TNNI3K: variants seen among roughly 807,000 people sequenced by gnomAD.
TNNI3K encodes the protein TNNI3 interacting kinase, also known as serine/threonine-protein kinase TNNI3K.
In TNNI3K, 140 loss-of-function variants were observed where a neutral mutation model predicts 114.5. The observed-to-expected ratio is 1.22, with a 90% confidence interval of 1.07 to 1.41. The LOEUF (loss-of-function observed/expected upper bound fraction) is 1.41, where lower values mean the gene tolerates loss of function less well. Ranked by LOEUF, TNNI3K falls within the 40% of genes most tolerant of loss-of-function variation. The probability of loss-of-function intolerance (pLI) is 0.00; values close to 1 mark genes in which losing one functional copy is unlikely to be tolerated. For synonymous variants in TNNI3K, 347 were observed against 347.5 expected (o/e 1.00, Z 0.02); for missense variants, 1,125 against 1,007.6 (o/e 1.12, Z -1.58).
chr1:74,399,301 G>C (rs572640321), intron 17 of TNNI3K, among the ~76,000 whole-genome samples: 1 of 151,926 alleles, frequency 6.6e-6, no homozygotes. Context: ...GTGAACTCCC[G>C]TATTTAGGTA....
In TNNI3K at chr1:74,508,924, C is replaced by T. The variant is rs149940852; in HGVS notation, c.2351+16658C>T. 1.2e-3 allele frequency among the ~76,000 whole-genome samples: 181 copies of T among 152,238 alleles called. 1 individual carries two copies. Among genetic ancestry groups the T allele is most frequent in the African/African-American group, 4.2e-3 (174 of 41,558 alleles). ...GGGTCTGCAGAAAATTCATATAAAA[C>T]ACTTAATATCATCCCTGAGAAACTT... On this transcript the variant is annotated intron_variant, in intron 23 of 24. Coordinates refer to ENST00000326637, the MANE Select transcript of TNNI3K (RefSeq NM_015978.3).
At chr1:74,240,740 A>G (rs1466401523) in intron 2 of TNNI3K, 2 of 151,950 alleles carry the variant, frequency 1.3e-5, no homozygotes, top group Non-Finnish European at 2.9e-5. Flanking sequence ...ATTTAAAACC[A>G]TGAGAATACT....
intron 23 of TNNI3K, among the ~76,000 whole-genome samples, chr1:74,493,396 A>G (rs1185487305): frequency 1.3e-5 from 2 of 152,202 alleles, no homozygotes; most frequent in African/African-American, 4.8e-5. Context: ...GCAAAAACAA[A>G]AAGATTAAGC....
chr1:74,338,429 T>C (rs1467115204), intron 7 of TNNI3K, among the ~76,000 whole-genome samples: 1 of 152,128 alleles, frequency 6.6e-6, no homozygotes, highest in Non-Finnish European at 1.5e-5. Context: ...CCTCACAAAC[T>C]TTATTTTTTG....
chr1:74,475,023 A>G (rs1478304529), intron 21 of TNNI3K, among the ~76,000 whole-genome samples: 2 of 151,166 alleles, frequency 1.3e-5, no homozygotes, highest in Non-Finnish European at 2.9e-5. Flanking sequence ...TTTTTTTAAC[A>G]TTGTTAGGTG....
intron 17 of TNNI3K, among the ~76,000 whole-genome samples, chr1:74,378,126 C>T (rs1428990000): frequency 1.3e-5 from 2 of 151,726 alleles, no homozygotes; most frequent in Admixed American, 6.6e-5. Flanking sequence ...ACAATGGATG[C>T]CTTAGGGATT....
Position 74,446,849 on chromosome 1 carries a change from G to T in TNNI3K, c.2011+7227G>T, listed in dbSNP as rs568327042. Among the ~76,000 whole-genome samples, 27 of 149,020 alleles carry T rather than the reference G, an allele frequency of 1.8e-4. No individual in the cohort carries two copies. The South Asian group carries it at 5.4e-3, about 30-fold the overall frequency. On this transcript the variant is annotated intron_variant, in intron 20 of 24. Coordinates refer to ENST00000326637, the MANE Select transcript of TNNI3K (RefSeq NM_015978.3). The stretch of plus-strand genomic sequence containing the variant: ...CAGATTTGTCAAAGATCAGATAGTT[G>T]TAGGTATGCGGCGTTAATTCTGAGG...
At chr1:74,328,912 T>C (rs537181464) in intron 5 of TNNI3K, among the ~76,000 whole-genome samples, 1 of 152,074 alleles carries the variant, frequency 6.6e-6, no homozygotes, top group Non-Finnish European at 1.5e-5. Context: ...GTAAAAAGCT[T>C]AATCTACCTT....
At chr1:74,289,431 G>A (rs1657533785) in intron 5 of TNNI3K, among the ~76,000 whole-genome samples, 1 of 151,764 alleles carries the variant, frequency 6.6e-6, no homozygotes, top group African/African-American at 2.4e-5. Context: ...GAGAGTAATG[G>A]GGTTTAAATT....
At chr1:74,410,927 G>C (rs1462660959) in intron 17 of TNNI3K, among the ~76,000 whole-genome samples, 1 of 152,168 alleles carries the variant, frequency 6.6e-6, no homozygotes, top group Non-Finnish European at 1.5e-5. Flanking sequence ...GTGATTAAGA[G>C]ATTGTTGAAA....
At chr1:74,314,045 T>TTGTTTATATA (rs1553130325) in intron 5 of TNNI3K, among the ~76,000 whole-genome samples, 1 of 6,350 alleles carries the variant, frequency 1.6e-4, no homozygotes, top group African/African-American at 2.1e-4. Context: ...AGAAAGTTCA[T>TTGTTTATATA]TATATATATA....
intron 11 of TNNI3K, among the ~76,000 whole-genome samples, chr1:74,363,120 T>C (rs1301998207): frequency 6.6e-6 from 1 of 152,118 alleles, no homozygotes. Flanking sequence ...TCTGGGTGTA[T>C]CCATTATCAG....
intron 7 of TNNI3K, among the ~76,000 whole-genome samples, chr1:74,340,614 G>T (rs1660703475): frequency 6.6e-6 from 1 of 152,140 alleles, no homozygotes; most frequent in Non-Finnish European, 1.5e-5. Context: ...AACCTAATTT[G>T]AAGTTTACTA....
intron 17 of TNNI3K, among the ~76,000 whole-genome samples, chr1:74,422,773 C>G (rs1320743491): frequency 6.6e-6 from 1 of 151,978 alleles, no homozygotes; most frequent in African/African-American, 2.4e-5. Flanking sequence ...AAAAAAAACC[C>G]ACTAAATTCT....
intron 17 of TNNI3K, chr1:74,416,382 G>C: frequency 2.0e-6 from 2 of 978,914 alleles, no homozygotes; most frequent in Non-Finnish European, 2.4e-6. Flanking sequence ...AGAAGGAGCT[G>C]TGGAACTAGC....
chr1:74,253,567 C>T (rs926225874), intron 4 of TNNI3K, among the ~76,000 whole-genome samples: 1 of 152,186 alleles, frequency 6.6e-6, no homozygotes, highest in African/African-American at 2.4e-5. Context: ...GGAGCACCCT[C>T]CGCAGCTGCT....
At chr1:74,258,963 G>A (rs1655501224) in intron 4 of TNNI3K, among the ~76,000 whole-genome samples, 1 of 152,142 alleles carries the variant, frequency 6.6e-6, no homozygotes, top group Non-Finnish European at 1.5e-5. Flanking sequence ...ACATATTGTG[G>A]ATTACTGTTC....
chr1:74,314,715 A>G (rs1046996327), intron 5 of TNNI3K, among the ~76,000 whole-genome samples: 1 of 152,160 alleles, frequency 6.6e-6, no homozygotes, highest in Non-Finnish European at 1.5e-5. Flanking sequence ...GTCATAATAA[A>G]ATGAAATGCT....
At chr1:74,411,189 T>C (rs1174131247) in intron 17 of TNNI3K, among the ~76,000 whole-genome samples, 1 of 152,138 alleles carries the variant, frequency 6.6e-6, no homozygotes, top group Admixed American at 6.5e-5. Context: ...TGAAGATTTC[T>C]CAATAAAAGA....
Sources: allele counts gnomAD v4.1 joint callset (sites outside exome capture counted in the v4.1 genomes callset), GRCh38; gene constraint gnomAD v4.1.1; transcripts MANE v1.5; gene names NCBI Gene and HGNC (gene_info 2026-07-23, HGNC 2026-07-21).